The following KIF18A variants were observed in gnomAD, a reference collection of about 807,000 sequenced individuals.
KIF18A encodes the protein kinesin-like protein KIF18A.
KIF18A carries 67 observed loss-of-function variants against 103.3 expected under a neutral mutation model. That is an observed-to-expected ratio of 0.65 (90% CI 0.53 to 0.79). The LOEUF is 0.79. KIF18A is among the 30% of genes least tolerant of loss of function. The pLI is 0.00. For missense variants in KIF18A, 1,032 were observed against 1,062.5 expected (o/e 0.97, Z 0.40); for synonymous variants, 367 against 355.5 (o/e 1.03, Z -0.36).
intron 15 of KIF18A, among the ~76,000 whole-genome samples, chr11:28,029,276 C>A (rs199693934): frequency 6.6e-6 from 1 of 152,046 alleles, no homozygotes; most frequent in Non-Finnish European, 1.5e-5. Flanking sequence ...TGCAAAAATC[C>A]TCAATAAACT....
chr11:28,075,021 C>T (rs1225604234), intron 10 of KIF18A, among the ~76,000 whole-genome samples: 3 of 152,098 alleles, frequency 2.0e-5, no homozygotes, highest in African/African-American at 7.2e-5. Context: ...TCTTATACTG[C>T]TTAGAACTCA....
Position 28,057,471 on chromosome 11 carries a change from C to T in KIF18A, c.1948+1455G>A, listed in dbSNP as rs186781545. Among the ~76,000 whole-genome samples, 47 of 152,086 alleles carry T rather than the reference C, an allele frequency of 3.1e-4. 1 individual carries two copies. Among genetic ancestry groups the T allele is most frequent in the Admixed American group, 2.0e-3 (30 of 15,268 alleles). The stretch of plus-strand genomic sequence containing the variant: ...CGGAGCTTGCAGTGAGCAGAGATCG[C>T]GCCACTGCACTCCAGCCTGGGTGAC... On this transcript the variant is annotated intron_variant, in intron 13 of 16. Transcript: ENST00000263181.
chr11:28,092,139 A>G (rs957122070), intron 3 of KIF18A, among the ~76,000 whole-genome samples: 1 of 152,176 alleles, frequency 6.6e-6, no homozygotes, highest in Non-Finnish European at 1.5e-5. Context: ...CAGGAAATGT[A>G]TGGAACACAC....
At chr11:28,024,222 G>A (rs2133481829) in intron 15 of KIF18A, among the ~76,000 whole-genome samples, 1 of 144,490 alleles carries the variant, frequency 6.9e-6, no homozygotes, top group South Asian at 2.2e-4. Context: ...CTAAGCTCAT[G>A]TTACAAATTT....
chr11:28,099,036 C>A (rs1232702473), intron 1 of KIF18A, among the ~76,000 whole-genome samples: 1 of 152,074 alleles, frequency 6.6e-6, no homozygotes. Flanking sequence ...ATTTGCCCTG[C>A]CATGTTCGCT....
intron 1 of KIF18A, among the ~76,000 whole-genome samples, chr11:28,100,337 T>G (rs1851428827): frequency 6.6e-6 from 1 of 151,920 alleles, no homozygotes; most frequent in Non-Finnish European, 1.5e-5. Context: ...TTTAAAAACT[T>G]TCGGGAAATC....
At chr11:28,091,957 T>A (rs1590708729) in intron 3 of KIF18A, among the ~76,000 whole-genome samples, 2 of 152,256 alleles carry the variant, frequency 1.3e-5, no homozygotes, top group South Asian at 4.1e-4. Flanking sequence ...CTGGGACTAC[T>A]GGCGCCTGCC....
chr11:28,081,328 A>G (rs1229335194), intron 9 of KIF18A, among the ~76,000 whole-genome samples: 3 of 152,144 alleles, frequency 2.0e-5, no homozygotes, highest in African/African-American at 4.8e-5. Context: ...AGAGAAGTAA[A>G]TACCTACTTT....
At chr11:28,063,936 T>C (rs570664663) in intron 11 of KIF18A, among the ~76,000 whole-genome samples, 1 of 151,950 alleles carries the variant, frequency 6.6e-6, no homozygotes, top group East Asian at 1.9e-4. Flanking sequence ...CAATCTGCAG[T>C]TGACCAATAA....
At chr11:28,071,017 C>A (rs554474359) in intron 10 of KIF18A, among the ~76,000 whole-genome samples, 26 of 152,260 alleles carry the variant, frequency 1.7e-4, no homozygotes, top group African/African-American at 6.3e-4. Context: ...GCCATGACTG[C>A]ATGATTGTGC....
intron 1 of KIF18A, among the ~76,000 whole-genome samples, chr11:28,100,610 G>C (rs1358913669): frequency 6.6e-6 from 1 of 151,846 alleles, no homozygotes; most frequent in Admixed American, 6.6e-5. Context: ...TTTTAAATGG[G>C]AGAAATAGCA....
chr11:28,052,143 T>TC (rs1850718637), intron 13 of KIF18A, among the ~76,000 whole-genome samples: 1 of 152,068 alleles, frequency 6.6e-6, no homozygotes, highest in Admixed American at 6.6e-5. Context: ...CTGAATAACC[T>TC]CCATCTTTTG....
In KIF18A at chr11:28,077,188, A is replaced by G. The variant is rs1477310115; in HGVS notation, c.1263-19T>C. On this transcript the variant is annotated intron_variant, in intron 9 of 16. Coordinates refer to ENST00000263181, the MANE Select transcript of KIF18A (RefSeq NM_031217.4). ...TTGAAACCTACCAAAATTAAAACAC[A>G]TTACAGAATCTCACTAATTTTGTAG... The G allele has an allele frequency of 1.3e-6, 2 of 1,528,498 alleles. No individual in the cohort carries two copies. The highest frequency in any genetic ancestry group is 1.4e-5 in the African/African-American group (1 of 69,652). The allele number at this position is 1,528,498 out of a possible 1,614,324, so 94.7% of individuals were successfully genotyped here. A position where few individuals can be genotyped will look rare whatever the true frequency, so the allele number is the denominator to read the frequency against.
At chr11:28,041,493 G>A (rs1188989632) in intron 13 of KIF18A, among the ~76,000 whole-genome samples, 1 of 151,768 alleles carries the variant, frequency 6.6e-6, no homozygotes, top group Non-Finnish European at 1.5e-5. Context: ...AGAGGGACAG[G>A]CAGAATAAGA....
chr11:28,099,016 T>G (rs1176240635), intron 1 of KIF18A, among the ~76,000 whole-genome samples: 1 of 152,120 alleles, frequency 6.6e-6, no homozygotes, highest in Non-Finnish European at 1.5e-5. Flanking sequence ...AATCAGTATG[T>G]TGAAGAGATA....
rs1206221978 is a variant in KIF18A at position 28,021,205 on chromosome 11, T to G, written c.2692A>C (p.Arg898=). The change falls in exon 17 of 17, where the codon AGA becomes CGA. Residue 898 remains arginine (R), a synonymous_variant. Transcript: ENST00000263181. ...FGRNISKGNL[R] is the part of the protein sequence containing the mutation. ...TTGCTTGGTTTTGAAGTGATTTATC[T>G]TAGATTTCCTTTTGAAATATTTCTT... The G allele has an allele frequency of 2.7e-6, 4 of 1,507,240 alleles. No homozygotes were observed. The highest frequency in any genetic ancestry group is 3.6e-6 in the Non-Finnish European group (4 of 1,124,648). 93.4% of individuals were successfully genotyped at this position (1,507,240 alleles called of 1,614,324 possible). A position where few individuals can be genotyped will look rare whatever the true frequency, so the allele number is the denominator to read the frequency against.
chr11:28,084,323 A>G (rs1851200067), intron 7 of KIF18A: 1 of 152,806 alleles, frequency 6.5e-6, no homozygotes, highest in African/African-American at 2.4e-5. Context: ...TTGAGTGATT[A>G]CTCCAAGATG....
At chr11:28,036,183 A>C in intron 14 of KIF18A, 34 bp downstream of exon 14, 6 of 1,416,580 alleles carry the variant, frequency 4.2e-6, no homozygotes, top group Non-Finnish European at 5.7e-6. Flanking sequence ...TCTATGTTAA[A>C]AAAAAAGAAT....
chr11:28,070,900 A>C (rs1851004207), intron 10 of KIF18A, among the ~76,000 whole-genome samples: 1 of 152,144 alleles, frequency 6.6e-6, no homozygotes, highest in South Asian at 2.1e-4. Context: ...AAATAAATTT[A>C]GGCTGGTTTC....
Sources: allele counts gnomAD v4.1 joint callset (sites outside exome capture counted in the v4.1 genomes callset), GRCh38; gene constraint gnomAD v4.1.1; transcripts MANE v1.5; gene names NCBI Gene and HGNC (gene_info 2026-07-23, HGNC 2026-07-21).